Variants in CNTNAP4 observed in about 807,000 individuals in gnomAD.
CNTNAP4 encodes the protein contactin-associated protein-like 4.
CNTNAP4 carries 98 observed loss-of-function variants against 148.4 expected under a neutral mutation model. That is an observed-to-expected ratio of 0.66 (90% confidence interval 0.56 to 0.78). CNTNAP4 has a LOEUF of 0.78. CNTNAP4 is among the 30% of genes least tolerant of loss of function. CNTNAP4 has a pLI of 0.00. For missense variants in CNTNAP4, 1,935 were observed against 1,565.6 expected (o/e 1.24, Z -3.98); for synonymous variants, 730 against 565.1 (o/e 1.29, Z -4.14).
At chr16:76,457,796 T>G (rs2080790814) in intron 8 of CNTNAP4, among the ~76,000 whole-genome samples, 1 of 123,756 alleles carries the variant, frequency 8.1e-6, no homozygotes, top group African/African-American at 2.7e-5. Flanking sequence ...GTTATTTTAC[T>G]TTTTATTTTT....
intron 11 of CNTNAP4, among the ~76,000 whole-genome samples, chr16:76,476,271 T>A (rs1051421231): frequency 6.6e-6 from 1 of 152,202 alleles, no homozygotes; most frequent in Admixed American, 6.5e-5. Flanking sequence ...AGCTAAGGGT[T>A]GAAAACTAAG....
At chr16:76,419,816 G>T (rs12933045) in intron 3 of CNTNAP4, among the ~76,000 whole-genome samples, 2 of 151,628 alleles carry the variant, frequency 1.3e-5, no homozygotes, top group East Asian at 1.9e-4. Context: ...TCCTATTTGT[G>T]GTTTGCAGAT....
chr16:76,419,330 G>T (rs1254487567), intron 3 of CNTNAP4, among the ~76,000 whole-genome samples: 31 of 152,112 alleles, frequency 2.0e-4, no homozygotes, highest in Non-Finnish European at 1.5e-5. Context: ...TTCTTCAGGA[G>T]AATAGCCCTT....
At chr16:76,395,211 A>T (rs2078155277) in intron 3 of CNTNAP4, among the ~76,000 whole-genome samples, 1 of 152,116 alleles carries the variant, frequency 6.6e-6, no homozygotes, top group Non-Finnish European at 1.5e-5. Context: ...CTTAGAGGGC[A>T]TCAGCAGATT....
rs533661203 is a variant in CNTNAP4 at position 76,473,176 on chromosome 16, A to G, written c.1656-2763A>G. On this transcript the variant is annotated intron_variant, in intron 10 of 23. Transcript: ENST00000611870. ...TTAATGAATTCCTGTGAATCTATAA[A>G]AAAGCTAAATATGTATAAACTTAAT... Among the ~76,000 whole-genome samples the G allele has an allele frequency of 2.6e-5, 4 of 152,340 alleles. No individual in the cohort carries two copies. The South Asian group carries it at 8.3e-4, about 32-fold the overall frequency.
At chr16:76,291,098 A>C in intron 1 of CNTNAP4, among the ~76,000 whole-genome samples, 1 of 152,176 alleles carries the variant, frequency 6.6e-6, no homozygotes, top group Middle Eastern at 3.2e-3. Context: ...GAATAAAGTC[A>C]CATTGGGGAT....
intron 1 of CNTNAP4, among the ~76,000 whole-genome samples, chr16:76,291,010 G>A (rs1959092953): frequency 6.6e-6 from 1 of 151,952 alleles, no homozygotes; most frequent in South Asian, 2.1e-4. Flanking sequence ...TCTTATAAGG[G>A]GCCAGTCTTA....
intron 9 of CNTNAP4, among the ~76,000 whole-genome samples, chr16:76,464,807 C>CT (rs1239110354): frequency 6.6e-6 from 1 of 152,154 alleles, no homozygotes; most frequent in African/African-American, 2.4e-5. Flanking sequence ...TACTCTGTAG[C>CT]TTTTTTTCCA....
At chr16:76,279,444 A>G (rs963548423) in intron 1 of CNTNAP4, among the ~76,000 whole-genome samples, 1 of 152,226 alleles carries the variant, frequency 6.6e-6, no homozygotes, top group African/African-American at 2.4e-5. Context: ...TTTGCCATAT[A>G]TCTTCTTAGA....
At position 76,535,782 on chromosome 16, in the gene CNTNAP4, AT is replaced by A; in HGVS notation, c.2994del (p.Asn998LysfsTer13). The A allele has an allele frequency of 6.2e-7, 1 of 1,612,844 alleles. No individual in the cohort carries two copies. Among genetic ancestry groups the A allele is most frequent in the South Asian group, 1.1e-5 (1 of 90,894 alleles). On this transcript the variant is annotated frameshift_variant and splice_region_variant, in exon 18 of 24. Coordinates refer to ENST00000611870, the MANE Select transcript of CNTNAP4 (RefSeq NM_033401.5). LOFTEE classifies it high-confidence loss of function. ...FSAYTGPFCS[N>X]EISAYFGSGS... Reference sequence around the variant, plus strand: ...GCATACACAGGGCCATTCTGCTCAAATGGTAAGTGTGGCATGGAAGACTGTA... The same window carrying A: ...GCATACACAGGGCCATTCTGCTCAAAGGTAAGTGTGGCATGGAAGACTGTA...
At chr16:76,362,506 C>G (rs1243246992) in intron 3 of CNTNAP4, among the ~76,000 whole-genome samples, 2 of 152,134 alleles carry the variant, frequency 1.3e-5, no homozygotes, top group African/African-American at 2.4e-5. Flanking sequence ...CATCACACAT[C>G]TGATTTCAAA....
chr16:76,462,325 A>G (rs927598943), intron 9 of CNTNAP4, among the ~76,000 whole-genome samples: 2 of 152,146 alleles, frequency 1.3e-5, no homozygotes, highest in African/African-American at 4.8e-5. Context: ...TCTTGATGAG[A>G]TTGATTTTAA....
At chr16:76,308,574 C>A (rs952707645) in intron 1 of CNTNAP4, among the ~76,000 whole-genome samples, 1 of 152,132 alleles carries the variant, frequency 6.6e-6, no homozygotes, top group Non-Finnish European at 1.5e-5. Flanking sequence ...CTTCACAGTC[C>A]CGTGAAACAG....
At chr16:76,525,512 T>C (rs1196190643) in intron 17 of CNTNAP4, among the ~76,000 whole-genome samples, 1 of 147,660 alleles carries the variant, frequency 6.8e-6, no homozygotes, top group African/African-American at 2.4e-5. Context: ...TTATAGTTTA[T>C]AGTTACATAG....
At chr16:76,299,349 C>T (rs1212755288) in intron 1 of CNTNAP4, among the ~76,000 whole-genome samples, 3 of 152,170 alleles carry the variant, frequency 2.0e-5, no homozygotes, top group African/African-American at 7.2e-5. Flanking sequence ...TGAATAGACA[C>T]TTCACAAAAG....
At chr16:76,361,885 T>C (rs992252465) in intron 3 of CNTNAP4, among the ~76,000 whole-genome samples, 1 of 152,186 alleles carries the variant, frequency 6.6e-6, no homozygotes, top group Non-Finnish European at 1.5e-5. Context: ...TGAGGTGATA[T>C]CTCACTGTGG....
rs541566591 is a variant in CNTNAP4 at position 76,452,451 on chromosome 16, G to C, written c.1072-57G>C. 9 of 1,559,958 alleles carry C rather than the reference G, an allele frequency of 5.8e-6. No individual in the cohort carries two copies. The African/African-American group carries it at 1.1e-4, about 19-fold the overall frequency. On this transcript the variant is annotated intron_variant, in intron 7 of 23. Coordinates refer to ENST00000611870, the MANE Select transcript of CNTNAP4 (RefSeq NM_033401.5). ...GATTGAAAAGCAGCCTTCAAATTCTGTTACTAATGTGATGTGAATAACATT... is the reference window on the plus strand; with the variant it reads ...GATTGAAAAGCAGCCTTCAAATTCTCTTACTAATGTGATGTGAATAACATT...
intron 3 of CNTNAP4, among the ~76,000 whole-genome samples, chr16:76,425,947 A>G (rs569449965): frequency 6.6e-6 from 1 of 152,334 alleles, no homozygotes; most frequent in African/African-American, 2.4e-5. Flanking sequence ...GGGTGATGGC[A>G]AAGAACAAAA....
chr16:76,471,560 G>A (rs1296315835), intron 10 of CNTNAP4, among the ~76,000 whole-genome samples: 1 of 151,882 alleles, frequency 6.6e-6, no homozygotes, highest in African/African-American at 2.4e-5. Flanking sequence ...CTCAGGTTCT[G>A]GCCTCCAGCC....
Sources: gnomAD v4.1 joint callset for allele counts (sites outside exome capture counted in the v4.1 genomes callset) on GRCh38, gnomAD v4.1.1 for gene constraint, MANE v1.5 for transcripts, NCBI Gene and HGNC (gene_info 2026-07-23, HGNC 2026-07-21) for gene names.